CACNA2D1: variants seen among roughly 807,000 people sequenced by gnomAD.
CACNA2D1 encodes calcium voltage-gated channel auxiliary subunit alpha2delta 1, also known as voltage-dependent calcium channel subunit alpha-2/delta-1.
Under a neutral mutation model 171.5 loss-of-function variants are expected in CACNA2D1, and 53 were observed. The observed-to-expected ratio is 0.31, with a 90% confidence interval of 0.25 to 0.39. The LOEUF is 0.39. Ranked by LOEUF, CACNA2D1 falls within the 10% of genes least tolerant of loss-of-function variation. CACNA2D1 has a pLI of 1.00. For missense variants in CACNA2D1, 903 were observed against 1,299.8 expected, an observed-to-expected ratio of 0.69 and a Z score of 4.69; for synonymous variants, 442 against 443.1, an observed-to-expected ratio of 1.00 and a Z score of 0.03.
intron 38 of CACNA2D1, among the ~76,000 whole-genome samples, chr7:81,958,928 C>T (rs1400247255): frequency 6.6e-6 from 1 of 151,618 alleles, no homozygotes; most frequent in Non-Finnish European, 1.5e-5. Context: ...ACAAATATAA[C>T]TAACAAAAAT....
intron 1 of CACNA2D1, among the ~76,000 whole-genome samples, chr7:82,425,839 C>T (rs1829120767): frequency 6.7e-6 from 1 of 150,046 alleles, no homozygotes. Flanking sequence ...TATGAAGATT[C>T]TGTTTGGGGC....
intron 5 of CACNA2D1, among the ~76,000 whole-genome samples, chr7:82,133,675 A>G (rs949120782): frequency 1.2e-4 from 18 of 152,230 alleles, no homozygotes; most frequent in African/African-American, 4.3e-4. Flanking sequence ...TCCAAGGTAG[A>G]AGTGGAGTTA....
chr7:82,307,987 T>C (rs1308164113), intron 3 of CACNA2D1, among the ~76,000 whole-genome samples: 2 of 152,226 alleles, frequency 1.3e-5, no homozygotes, highest in Non-Finnish European at 2.9e-5. Flanking sequence ...CTGTTCTCTT[T>C]TGGATCCTGT....
chr7:82,425,857 G>A (rs1479363033), intron 1 of CACNA2D1, among the ~76,000 whole-genome samples: 1 of 151,134 alleles, frequency 6.6e-6, no homozygotes, highest in African/African-American at 2.4e-5. Flanking sequence ...GGCTGGGCGT[G>A]GTGGCTCACT....
At chr7:82,321,853 G>A (rs1332184796) in intron 3 of CACNA2D1, among the ~76,000 whole-genome samples, 3 of 151,854 alleles carry the variant, frequency 2.0e-5, no homozygotes, top group Non-Finnish European at 4.4e-5. Flanking sequence ...GTGGCCGGGC[G>A]CGGTGGCTCA....
intron 3 of CACNA2D1, among the ~76,000 whole-genome samples, chr7:82,308,284 G>C (rs1008194914): frequency 6.6e-6 from 1 of 152,010 alleles, no homozygotes; most frequent in African/African-American, 2.4e-5. Context: ...TCAATCAATG[G>C]ATAAAAATGT....
chr7:82,109,582 G>T (rs899029266), intron 6 of CACNA2D1, among the ~76,000 whole-genome samples: 13 of 151,936 alleles, frequency 8.6e-5, no homozygotes, highest in African/African-American at 3.1e-4. Flanking sequence ...TTTCTACCAT[G>T]GTAACAATGA....
chr7:82,028,724 G>A (rs1383148540), intron 12 of CACNA2D1: 5 of 151,836 alleles, frequency 3.3e-5, no homozygotes, highest in Non-Finnish European at 4.4e-5. Flanking sequence ...AGTGGAGGAT[G>A]TAACAGCAGA....
chr7:82,091,237 T>C (rs1378741225), intron 6 of CACNA2D1, among the ~76,000 whole-genome samples: 1 of 152,122 alleles, frequency 6.6e-6, no homozygotes, highest in Non-Finnish European at 1.5e-5. Context: ...ATCTAATCTC[T>C]CTAATCATGT....
At chr7:81,951,802 T>A (rs1792548005) in intron 38 of CACNA2D1, among the ~76,000 whole-genome samples, 1 of 152,004 alleles carries the variant, frequency 6.6e-6, no homozygotes, top group South Asian at 2.1e-4. Context: ...TAAACATGCA[T>A]GCGCAAGTGT....
chr7:82,091,524 G>T (rs1477504428), intron 6 of CACNA2D1, among the ~76,000 whole-genome samples: 1 of 152,250 alleles, frequency 6.6e-6, no homozygotes, highest in South Asian at 2.1e-4. Context: ...GCACAGAGGA[G>T]GAGCTCAGAA....
chr7:82,344,864 G>GT (rs1819068151), intron 2 of CACNA2D1, among the ~76,000 whole-genome samples: 1 of 152,074 alleles, frequency 6.6e-6, no homozygotes, highest in South Asian at 2.1e-4. Context: ...ATAAATAGCT[G>GT]TATTTGTTTA....
chr7:82,183,108 T>C (rs1261058671), intron 3 of CACNA2D1, among the ~76,000 whole-genome samples: 2 of 152,044 alleles, frequency 1.3e-5, no homozygotes, highest in Non-Finnish European at 2.9e-5. Context: ...ACCTCCATAG[T>C]GAAAACTAAC....
chr7:82,421,570 G>A (rs1389269672), intron 1 of CACNA2D1, among the ~76,000 whole-genome samples: 4 of 152,212 alleles, frequency 2.6e-5, no homozygotes. Flanking sequence ...AGAGCGTTTG[G>A]GCACTGATAC....
At chr7:82,038,589 G>A (rs1584503049) in intron 10 of CACNA2D1, among the ~76,000 whole-genome samples, 4 of 152,202 alleles carry the variant, frequency 2.6e-5, no homozygotes, top group Non-Finnish European at 5.9e-5. Context: ...AATGATATGG[G>A]ATGCTTGCCC....
intron 15 of CACNA2D1, among the ~76,000 whole-genome samples, chr7:82,008,109 C>T (rs1314383516): frequency 2.0e-5 from 3 of 152,034 alleles, no homozygotes; most frequent in African/African-American, 7.2e-5. Flanking sequence ...AATATCAGGG[C>T]CTCCATAAGC....
At chr7:82,058,080 G>A (rs2131361310) in intron 10 of CACNA2D1, among the ~76,000 whole-genome samples, 1 of 152,248 alleles carries the variant, frequency 6.6e-6, no homozygotes, top group Admixed American at 6.5e-5. Flanking sequence ...AGGGAAGGCT[G>A]CTACCTAAAA....
At chr7:82,185,367 G>A (rs1797554426) in intron 3 of CACNA2D1, among the ~76,000 whole-genome samples, 1 of 149,552 alleles carries the variant, frequency 6.7e-6, no homozygotes, top group African/African-American at 2.5e-5. Flanking sequence ...GTGGCAGAAA[G>A]CTATATAAAC....
intron 1 of CACNA2D1, among the ~76,000 whole-genome samples, chr7:82,352,886 A>C (rs1249292594): frequency 6.6e-6 from 1 of 152,198 alleles, no homozygotes; most frequent in Non-Finnish European, 1.5e-5. Context: ...TTGGTTCAGC[A>C]AAAGGTATGG....
Sources: gnomAD v4.1 joint callset for allele counts (sites outside exome capture counted in the v4.1 genomes callset) on GRCh38, gnomAD v4.1.1 for gene constraint, MANE v1.5 for transcripts, NCBI Gene and HGNC (gene_info 2026-07-23, HGNC 2026-07-21) for gene names.